LRRC9: variants seen among roughly 807,000 people sequenced by gnomAD.
LRRC9 encodes leucine-rich repeat-containing protein 9.
A neutral mutation model predicts 63.2 loss-of-function variants in LRRC9; 122 were observed. The observed-to-expected ratio is 1.93, with a 90% CI of 1.67 to 2.24. The LOEUF is 2.24. Ranked by LOEUF, LRRC9 falls within the 30% of genes most tolerant of loss-of-function variation. The probability of loss-of-function intolerance (pLI) is 0.00; values close to 1 mark genes in which losing one functional copy is unlikely to be tolerated. For missense variants in LRRC9, 1,071 were observed against 627.7 expected, an observed-to-expected ratio of 1.71 and a Z score of -7.55; for synonymous variants, 366 against 213.1, an observed-to-expected ratio of 1.72 and a Z score of -6.25.
At chr14:59,979,050 T>A (rs915465986) in intron 15 of LRRC9, among the ~76,000 whole-genome samples, 1 of 152,198 alleles carries the variant, frequency 6.6e-6, no homozygotes, top group African/African-American at 2.4e-5. Flanking sequence ...TTGACCATTT[T>A]CTATTAAACT....
chr14:60,033,559 T>C (rs1195942582), intron 29 of LRRC9, among the ~76,000 whole-genome samples: 1 of 152,154 alleles, frequency 6.6e-6, no homozygotes, highest in Non-Finnish European at 1.5e-5. Context: ...AATCTGTTAA[T>C]ATGGTAAATT....
rs766551589 is a variant in LRRC9 at position 59,923,884 on chromosome 14, T to G, written c.-34+4001T>G. ...TGAACCCGGGAGGTGGAGCTTGCAG[T>G]GAGCTGAGATCGCGCCACTGCACTG... On this transcript the variant is annotated intron_variant, in intron 1 of 31. Coordinates refer to ENST00000445360, the Ensembl canonical transcript of LRRC9. This position sits in a 1 kb window ranked among gnomAD's most constrained non-coding sequence, Gnocchi z 4.2. 1.3e-4 allele frequency among the ~76,000 whole-genome samples: 20 copies of G among 152,120 alleles called. No homozygotes were observed. The highest frequency in any genetic ancestry group is 2.8e-4 in the Non-Finnish European group (19 of 68,026).
downstream of LRRC9, among the ~76,000 whole-genome samples, chr14:60,066,614 A>T (rs1894888678): frequency 6.6e-6 from 1 of 152,116 alleles, no homozygotes; most frequent in Admixed American, 6.5e-5. Context: ...CTTCTCCATT[A>T]TTGAAGTATT....
At chr14:59,944,437 C>A (rs1183574837) in intron 7 of LRRC9, among the ~76,000 whole-genome samples, 152 bp from the exon 8 acceptor site, 1 of 151,792 alleles carries the variant, frequency 6.6e-6, no homozygotes, top group African/African-American at 2.4e-5. Flanking sequence ...CTCTGTGTAG[C>A]CATTGTCACT....
intron 29 of LRRC9, among the ~76,000 whole-genome samples, chr14:60,034,963 G>A (rs1340039029): frequency 6.6e-6 from 1 of 152,070 alleles, no homozygotes; most frequent in Non-Finnish European, 1.5e-5. Flanking sequence ...CACCAACAGT[G>A]TACACAGGTT....
At position 59,933,328 on chromosome 14, in the gene LRRC9, G is replaced by T. The variant is rs57450834; in HGVS notation, c.543+1289G>T. 7.3e-4 allele frequency among the ~76,000 whole-genome samples: 111 copies of T among 152,174 alleles called. No homozygotes were observed. In the East Asian group the frequency reaches 0.02, roughly 28 times the overall value. ...AGGAACTTTGCCTGTTCTCTTCATT[G>T]CTGTATCCACAATCCTTAACACAGT... is the stretch of plus-strand genomic sequence containing the variant. On this transcript the variant is annotated intron_variant, in intron 6 of 31. Transcript: ENST00000445360.
chr14:60,015,670 A>C (rs1890619598), intron 23 of LRRC9, among the ~76,000 whole-genome samples: 1 of 152,154 alleles, frequency 6.6e-6, no homozygotes, highest in Admixed American at 6.5e-5. Flanking sequence ...AGACAAGAAT[A>C]CCTAATTGAT....
intron 15 of LRRC9, among the ~76,000 whole-genome samples, chr14:59,979,961 G>A (rs1886750931): frequency 6.6e-6 from 1 of 151,514 alleles, no homozygotes; most frequent in Admixed American, 6.6e-5. Context: ...AATACTTAAA[G>A]TATAATAATA....
chr14:59,988,985 A>G (rs1887774596), intron 17 of LRRC9, among the ~76,000 whole-genome samples: 1 of 152,116 alleles, frequency 6.6e-6, no homozygotes, highest in Admixed American at 6.5e-5. Context: ...CTTCTATCAC[A>G]AAGTATTGTT....
intron 22 of LRRC9, 150 bp from the exon 23 acceptor site, chr14:60,007,942 A>T (rs1284453175): frequency 0.03 from 6 of 200 alleles, no homozygotes; most frequent in Non-Finnish European, 0.05. Context: ...CATGTCTTTA[A>T]AAAAAAAAAA....
chr14:60,021,913 T>A (rs1251863633), intron 26 of LRRC9, among the ~76,000 whole-genome samples: 1 of 151,904 alleles, frequency 6.6e-6, no homozygotes, highest in Non-Finnish European at 1.5e-5. Context: ...TTAAAATCAG[T>A]GATTTAAGCT....
chr14:60,007,027 A>C (rs1440349572), intron 22 of LRRC9, among the ~76,000 whole-genome samples: 2 of 152,180 alleles, frequency 1.3e-5, no homozygotes, highest in Non-Finnish European at 2.9e-5. Flanking sequence ...GGATTTACTA[A>C]AGGTTTGAAC....
chr14:59,982,536 C>G (rs987771851), intron 16 of LRRC9, among the ~76,000 whole-genome samples: 1 of 152,076 alleles, frequency 6.6e-6, no homozygotes, highest in African/African-American at 2.4e-5. Context: ...GCAAGAGAGC[C>G]AGAGAGAGCT....
At chr14:60,040,026 G>A (rs975709202) in intron 29 of LRRC9, among the ~76,000 whole-genome samples, 1 of 151,970 alleles carries the variant, frequency 6.6e-6, no homozygotes, top group African/African-American at 2.4e-5. Flanking sequence ...TATGTACCCA[G>A]TAGTCATTCA....
chr14:60,048,359 T>C (rs1014930261), intron 29 of LRRC9, among the ~76,000 whole-genome samples: 2 of 152,086 alleles, frequency 1.3e-5, no homozygotes, highest in African/African-American at 4.8e-5. Context: ...GACGTGGTTT[T>C]TTGAAAAAAT....
chr14:60,022,898 GTCTT>G, intron 27 of LRRC9, 28 bp downstream of exon 27: 1 of 525,276 alleles, frequency 1.9e-6, no homozygotes. Context: ...TACTGTATAA[GTCTT>G]TATTTTTAAA....
intron 8 of LRRC9, among the ~76,000 whole-genome samples, chr14:59,957,463 GT>G (rs1460201196): frequency 4.6e-5 from 7 of 151,994 alleles, no homozygotes; most frequent in South Asian, 2.1e-4. Context: ...CTTATGCTGT[GT>G]TTTTCAGCTC....
intron 7 of LRRC9, among the ~76,000 whole-genome samples, chr14:59,943,514 T>A (rs887017155): frequency 6.6e-6 from 1 of 152,054 alleles, no homozygotes; most frequent in Non-Finnish European, 1.5e-5. Flanking sequence ...TAAGTTACGG[T>A]TTTTTCTTTT....
At chr14:60,023,497 G>C (rs573161320) in intron 27 of LRRC9, among the ~76,000 whole-genome samples, 1 of 151,632 alleles carries the variant, frequency 6.6e-6, no homozygotes, top group African/African-American at 2.4e-5. Flanking sequence ...GCCAAGACTT[G>C]AAAAGGGAAC....
Sources: allele counts gnomAD v4.1 joint callset (sites outside exome capture counted in the v4.1 genomes callset), GRCh38; gene constraint gnomAD v4.1.1; non-coding constraint Gnocchi (gnomAD v3.1); transcripts MANE v1.5; gene names NCBI Gene and HGNC (gene_info 2026-07-23, HGNC 2026-07-21).